Variants in DNM2 observed in about 807,000 individuals in gnomAD.
DNM2 encodes the protein dynamin-2.
A neutral mutation model predicts 99.0 loss-of-function variants in DNM2; 15 were observed. The ratio of observed to expected loss-of-function variants is 0.15; its 90% CI spans 0.10 to 0.23. DNM2 has a LOEUF of 0.23. Ranked by LOEUF, DNM2 falls within the 10% of genes least tolerant of loss-of-function variation. The probability of loss-of-function intolerance (pLI) is 1.00; values close to 1 mark genes in which losing one functional copy is unlikely to be tolerated. For missense variants in DNM2, 742 were observed against 1,189.4 expected (o/e 0.62, Z 5.53); for synonymous variants, 525 against 481.2 (o/e 1.09, Z -1.19).
In DNM2 at chr19:10,817,387, T is replaced by C. The variant is rs375081336; in HGVS notation, c.1672-2593T>C. On this transcript the variant is annotated intron_variant, in intron 15 of 20. Coordinates refer to ENST00000389253, the MANE Select transcript of DNM2 (RefSeq NM_001005361.3). This position sits in a 1 kb window ranked among gnomAD's most constrained non-coding sequence, Gnocchi z 4.6. ...AAATGACACTCACCTGCCGGCGAGT[T>C]TGGGGGGCCTGTCTCGACGAGCCGC... 401 of 488,356 alleles carry C rather than the reference T, an allele frequency of 8.2e-4. 1 individual carries two copies. The highest frequency in any genetic ancestry group is 1.2e-3 in the Non-Finnish European group (275 of 237,450). 30.3% of individuals were successfully genotyped at this position (488,356 alleles called of 1,614,324 possible).
At chr19:10,752,122 G>A (rs1467298743) in intron 1 of DNM2, among the ~76,000 whole-genome samples, 1 of 152,220 alleles carries the variant, frequency 6.6e-6, no homozygotes, top group Non-Finnish European at 1.5e-5. Flanking sequence ...GAACTAGAAA[G>A]TTAGTCTTCT....
At chr19:10,746,566 G>A (rs1329926742) in intron 1 of DNM2, among the ~76,000 whole-genome samples, 1 of 151,930 alleles carries the variant, frequency 6.6e-6, no homozygotes, top group African/African-American at 2.4e-5. Flanking sequence ...TGAGATTACA[G>A]GCATGCACCA....
chr19:10,820,211 CT>C lies in DNM2; in HGVS notation c.1781+126del. The C allele has an allele frequency of 1.1e-6, 1 of 951,344 alleles. No homozygotes were observed. Among genetic ancestry groups the C allele is most frequent in the Non-Finnish European group, 1.7e-6 (1 of 603,180 alleles). 58.9% of individuals were successfully genotyped at this position (951,344 alleles called of 1,614,324 possible). A position where few individuals can be genotyped will look rare whatever the true frequency, so the allele number is the denominator to read the frequency against. ...AGCAGTCCCTGCCCTTGGGACCCAG[CT>C]TTTAGAAAGGGGAGTCACGTGAGAA... On this transcript the variant is annotated intron_variant, in intron 16 of 20. Coordinates refer to ENST00000389253, the MANE Select transcript of DNM2 (RefSeq NM_001005361.3). The surrounding 1 kb of genome is among the most constrained non-coding windows in gnomAD (Gnocchi z 4.3).
Position 10,796,335 on chromosome 19 carries a change from C to G in DNM2, c.1196+896C>G. 1 of 1,372,580 alleles carries G rather than the reference C, an allele frequency of 7.3e-7. No individual in the cohort carries two copies. Among genetic ancestry groups the G allele is most frequent in the Admixed American group, 1.8e-5 (1 of 54,862 alleles). 85.0% of individuals were successfully genotyped at this position (1,372,580 alleles called of 1,614,324 possible). On this transcript the variant is annotated intron_variant, in intron 9 of 20. Coordinates refer to ENST00000389253, the MANE Select transcript of DNM2 (RefSeq NM_001005361.3). The surrounding 1 kb of genome is among the most constrained non-coding windows in gnomAD (Gnocchi z 5.6). ...TATCGCTTTGTGTCCGTGAACTTGG[C>G]CTCTCCCCAGAGGCTGGGGCAGGAG...
intron 1 of DNM2, 108 bp downstream of exon 1, chr19:10,718,511 C>T: frequency 1.6e-6 from 2 of 1,250,628 alleles, no homozygotes; most frequent in Non-Finnish European, 2.0e-6. Flanking sequence ...GCTTGCGTGC[C>T]CGCGGCGGGG....
intron 1 of DNM2, among the ~76,000 whole-genome samples, chr19:10,740,816 T>C (rs2069718330): frequency 6.6e-6 from 1 of 152,236 alleles, no homozygotes; most frequent in Non-Finnish European, 1.5e-5. Context: ...TCTCTTATGA[T>C]TTCTTCTTTG....
intron 11 of DNM2, among the ~76,000 whole-genome samples, chr19:10,799,024 G>C (rs954853276): frequency 6.6e-6 from 1 of 152,142 alleles, no homozygotes; most frequent in Non-Finnish European, 1.5e-5. Context: ...CCAGGAGTTC[G>C]AGACCAACGT....
chr19:10,803,817 G>A, intron 12 of DNM2: 1 of 487,790 alleles, frequency 2.1e-6, no homozygotes. Flanking sequence ...CTGGGCCTCT[G>A]GGCCAGGACC....
In DNM2 at chr19:10,772,714, A is replaced by G; in HGVS notation, c.385+86A>G. On this transcript the variant is annotated intron_variant, in intron 3 of 20. Transcript: ENST00000389253. The surrounding 1 kb of genome is among the most constrained non-coding windows in gnomAD (Gnocchi z 4.9). ...TGGGTGAGCCTGTGTACTTCCACTC[A>G]TGGGTATCATGTGCCCATTCACAAA... 1 of 1,581,328 alleles carries G rather than the reference A, an allele frequency of 6.3e-7. No homozygotes were observed. The highest frequency in any genetic ancestry group is 8.6e-7 in the Non-Finnish European group (1 of 1,160,742).
chr19:10,781,792 A>C (rs565770163), intron 5 of DNM2: 1 of 152,180 alleles, frequency 6.6e-6, no homozygotes, highest in Admixed American at 6.5e-5. Context: ...CCAGGAGTGC[A>C]ATGGTAGGCA....
Position 10,831,090 on chromosome 19 carries a change from CGG to C in DNM2, c.*44_*45del. On this transcript the variant is annotated 3_prime_UTR_variant, in exon 21 of 21. Coordinates refer to ENST00000389253, the MANE Select transcript of DNM2 (RefSeq NM_001005361.3). This position sits in a 1 kb window ranked among gnomAD's most constrained non-coding sequence, Gnocchi z 4.3. Reference sequence around the variant, plus strand: ...CTCTCGGGGGGGCCTCACGCACCCGCGGCGCAGGAGCTTCAGTGGTCTGGGGC... The same window carrying C: ...CTCTCGGGGGGGCCTCACGCACCCGCCGCAGGAGCTTCAGTGGTCTGGGGC... The C allele has an allele frequency of 6.4e-7, 1 of 1,559,464 alleles. No individual in the cohort carries two copies. The highest frequency in any genetic ancestry group is 8.7e-7 in the Non-Finnish European group (1 of 1,152,450).
chr19:10,731,789 T>C (rs1003343117), intron 1 of DNM2, among the ~76,000 whole-genome samples: 1 of 152,220 alleles, frequency 6.6e-6, no homozygotes, highest in African/African-American at 2.4e-5. Context: ...GAGTTCCCCG[T>C]TGTCTGGGCG....
chr19:10,789,561 G>A (rs969169233), intron 7 of DNM2, among the ~76,000 whole-genome samples: 1 of 151,968 alleles, frequency 6.6e-6, no homozygotes, highest in Non-Finnish European at 1.5e-5. Context: ...GGCTGGGGAC[G>A]ATGGTTCACG....
chr19:10,829,917 GGCCTGAGGGGGCCCTGTGAGTGGGAAGT>G (rs1382223270), intron 19 of DNM2, among the ~76,000 whole-genome samples, 182 bp from the exon 20 acceptor site: 2 of 152,142 alleles, frequency 1.3e-5, no homozygotes, highest in African/African-American at 2.4e-5. Flanking sequence ...CCAGGCCCAA[GGCCTGAGGGGGCCCTGTGAGTGGGAAGT>G]GCCTGAGGGG....
chr19:10,794,041 G>A (rs2071843295), intron 8 of DNM2, among the ~76,000 whole-genome samples, 186 bp downstream of exon 8: 1 of 152,174 alleles, frequency 6.6e-6, no homozygotes, highest in Admixed American at 6.6e-5. Flanking sequence ...CAGCTTTGAG[G>A]TTTTGGGCAG....
At chr19:10,819,212 G>T (rs2072885380) in intron 15 of DNM2, among the ~76,000 whole-genome samples, 1 of 152,146 alleles carries the variant, frequency 6.6e-6, no homozygotes, top group African/African-American at 2.4e-5. Flanking sequence ...AGGAGTTTAA[G>T]ACCAGCCTGG....
chr19:10,785,308 T>C (rs903454081), intron 6 of DNM2, among the ~76,000 whole-genome samples: 1 of 151,842 alleles, frequency 6.6e-6, no homozygotes, highest in Non-Finnish European at 1.5e-5. Context: ...TTTGTATTTT[T>C]AGTAGAGACG....
chr19:10,747,827 C>G (rs921438356), intron 1 of DNM2, among the ~76,000 whole-genome samples: 5 of 151,188 alleles, frequency 3.3e-5, no homozygotes. Context: ...GAGCATTGAG[C>G]GGGTTGATGT....
intron 7 of DNM2, among the ~76,000 whole-genome samples, chr19:10,787,761 A>AT (rs2071613023): frequency 6.6e-6 from 1 of 151,706 alleles, no homozygotes; most frequent in Admixed American, 6.6e-5. Context: ...TCAAAAAAAA[A>AT]AAAAAAAAAA....
Sources: gnomAD v4.1 joint callset for allele counts (sites outside exome capture counted in the v4.1 genomes callset) on GRCh38, gnomAD v4.1.1 for gene constraint, Gnocchi (gnomAD v3.1) non-coding constraint, MANE v1.5 for transcripts, NCBI Gene and HGNC (gene_info 2026-07-23, HGNC 2026-07-21) for gene names.